Variants in NFIC observed in about 807,000 individuals in gnomAD.
NFIC encodes nuclear factor I C.
In NFIC, 12 loss-of-function variants were observed where a neutral mutation model predicts 54.4. The ratio of observed to expected loss-of-function variants is 0.22; its 90% confidence interval spans 0.14 to 0.36. NFIC has a LOEUF of 0.36. Ranked by LOEUF, NFIC falls within the 10% of genes least tolerant of loss-of-function variation. The probability of loss-of-function intolerance (pLI) is 1.00; values close to 1 mark genes in which losing one functional copy is unlikely to be tolerated. For synonymous variants in NFIC, 322 were observed against 319.2 expected, an observed-to-expected ratio of 1.01 and a Z score of -0.09; for missense variants, 575 against 718.2, an observed-to-expected ratio of 0.80 and a Z score of 2.28.
intron 7 of NFIC, among the ~76,000 whole-genome samples, chr19:3,450,432 G>A (rs1215508355): frequency 1.3e-5 from 2 of 151,642 alleles, no homozygotes; most frequent in African/African-American, 4.8e-5. Context: ...GAGGCAGGCG[G>A]ATCACCTGAG....
Position 3,394,530 on chromosome 19 carries a change from A to ACC in NFIC, c.562+12289_562+12290dup, listed in dbSNP as rs1270123415. ...ATGATCTTTTCCCCACCCACCCCCC[A>ACC]CCCGCTTACACTAAGTCTGAAATTT... On this transcript the variant is annotated intron_variant, in intron 2 of 10. Transcript: ENST00000443272. Among the ~76,000 whole-genome samples the ACC allele has an allele frequency of 1.6e-4, 6 of 36,628 alleles. 1 individual carries two copies. The highest frequency in any genetic ancestry group is 1.3e-3 in the South Asian group (1 of 770). The allele number at this position is 36,628 out of a possible 152,430, so 24.0% of individuals were successfully genotyped here.
chr19:3,387,967 G>A (rs1009263724), intron 2 of NFIC, among the ~76,000 whole-genome samples: 4 of 152,198 alleles, frequency 2.6e-5, no homozygotes, highest in East Asian at 1.9e-4. Flanking sequence ...AATCTGAGGC[G>A]CGGGCGGGCA....
chr19:3,424,992 T>G, intron 2 of NFIC, 114 bp from the exon 3 acceptor site: 1 of 1,079,892 alleles, frequency 9.3e-7, no homozygotes, highest in Non-Finnish European at 1.3e-6. Flanking sequence ...GGGCCACTGT[T>G]TGTCTCCATA....
intron 1 of NFIC, among the ~76,000 whole-genome samples, chr19:3,360,502 C>T (rs1018710044): frequency 2.0e-5 from 3 of 151,902 alleles, no homozygotes; most frequent in Non-Finnish European, 4.4e-5. Context: ...TGCGTGGGAG[C>T]CCCTGCGCTC....
At position 3,467,212 on chromosome 19, in the gene NFIC, G is replaced by GCCCCCCCCCCCCC. The variant is rs374469121; in HGVS notation, c.*4454_*4455insCCCCCCCCCCCCC. The GCCCCCCCCCCCCC allele has an allele frequency of 2.2e-4, 19 of 88,206 alleles. No individual in the cohort carries two copies. The highest frequency in any genetic ancestry group is 3.4e-4 in the African/African-American group (7 of 20,802). 5.5% of individuals were successfully genotyped at this position (88,206 alleles called of 1,614,324 possible). ...GCTATGGACACCACACCTATGCCAGGCCCCCCCCCCCACCCCAGTCTCATT... is the reference window on the plus strand; with the variant it reads ...GCTATGGACACCACACCTATGCCAGGCCCCCCCCCCCCCCCCCCCCCCCCACCCCAGTCTCATT... On this transcript the variant is annotated 3_prime_UTR_variant, in exon 11 of 11. Coordinates refer to ENST00000443272, the MANE Select transcript of NFIC (RefSeq NM_001245002.2).
intron 2 of NFIC, among the ~76,000 whole-genome samples, chr19:3,412,972 AGGGACCTTTGACAGT>A (rs2081789297): frequency 6.6e-6 from 1 of 152,156 alleles, no homozygotes; most frequent in Non-Finnish European, 1.5e-5. Context: ...GGATGGCAGA[AGGGACCTTTGACAGT>A]GGACACAGGG....
rs777280779 is a variant in NFIC, at chr19:3,449,005, C to T, written c.959-9C>T. On this transcript the variant is annotated splice_polypyrimidine_tract_variant and intron_variant, in intron 6 of 10. Coordinates refer to ENST00000443272, the MANE Select transcript of NFIC (RefSeq NM_001245002.2). The stretch of plus-strand genomic sequence containing the variant: ...AGCCTGTGACTCTCTCGTCCCATCC[C>T]CTCCACAGGCATCTCGTCCCCGGTG... 1 of 1,611,278 alleles carries T rather than the reference C, an allele frequency of 6.2e-7. No individual in the cohort carries two copies. The highest frequency in any genetic ancestry group is 8.5e-7 in the Non-Finnish European group (1 of 1,178,504).
At chr19:3,443,982 C>T (rs1335966563) in intron 6 of NFIC, among the ~76,000 whole-genome samples, 1 of 152,230 alleles carries the variant, frequency 6.6e-6, no homozygotes, top group East Asian at 1.9e-4. Context: ...GACCCCGGAC[C>T]CTAGAGACCC....
intron 3 of NFIC, among the ~76,000 whole-genome samples, chr19:3,430,833 G>T (rs969504766): frequency 4.7e-5 from 7 of 150,524 alleles, no homozygotes; most frequent in African/African-American, 1.7e-4. Flanking sequence ...TTGGGAGGCT[G>T]AGACAGGAGA....
intron 9 of NFIC, among the ~76,000 whole-genome samples, chr19:3,455,774 CAG>C (rs200955016): frequency 0.01 from 1,533 of 152,274 alleles, 19 homozygotes; most frequent in South Asian, 0.027. Flanking sequence ...AGTATCCACT[CAG>C]GGCTCAACGG....
chr19:3,434,207 T>A, intron 4 of NFIC, 70 bp from the exon 5 acceptor site: 1 of 1,533,516 alleles, frequency 6.5e-7, no homozygotes, highest in Non-Finnish European at 8.7e-7. Flanking sequence ...TGGCTTTCCC[T>A]ACCTCTCTAA....
chr19:3,457,148 C>T (rs2082572032), intron 10 of NFIC, among the ~76,000 whole-genome samples: 1 of 152,280 alleles, frequency 6.6e-6, no homozygotes, highest in African/African-American at 2.4e-5. Context: ...AGGCTTCAGC[C>T]CACATCTAAG....
chr19:3,429,256 A>T, intron 3 of NFIC, among the ~76,000 whole-genome samples: 1 of 52,336 alleles, frequency 1.9e-5, no homozygotes, highest in African/African-American at 1.0e-4. Flanking sequence ...AAATATATAC[A>T]CACACACACA....
intron 6 of NFIC, among the ~76,000 whole-genome samples, chr19:3,447,751 C>T (rs1278252033): frequency 1.3e-5 from 2 of 152,216 alleles, no homozygotes; most frequent in African/African-American, 4.8e-5. Context: ...CCAGGTCGCA[C>T]AGCCTCATGG....
chr19:3,367,393 A>T (rs1445600814), intron 1 of NFIC, among the ~76,000 whole-genome samples: 1 of 151,652 alleles, frequency 6.6e-6, no homozygotes, highest in East Asian at 1.9e-4. Context: ...CGCCGGGAGG[A>T]GCGGGAGGCC....
At chr19:3,430,601 C>G (rs925275006) in intron 3 of NFIC, among the ~76,000 whole-genome samples, 2 of 152,088 alleles carry the variant, frequency 1.3e-5, no homozygotes, top group African/African-American at 4.8e-5. Context: ...TCTCCCAGCC[C>G]TGGTGCCCAC....
chr19:3,390,859 G>T (rs1035711965), intron 2 of NFIC, among the ~76,000 whole-genome samples: 3 of 151,260 alleles, frequency 2.0e-5, no homozygotes, highest in East Asian at 1.9e-4. Flanking sequence ...GGTGCCAGGG[G>T]CTGGGGAGGG....
At chr19:3,390,834 G>T (rs2081365415) in intron 2 of NFIC, among the ~76,000 whole-genome samples, 1 of 143,160 alleles carries the variant, frequency 7.0e-6, no homozygotes, top group Non-Finnish European at 1.5e-5. Context: ...CACAGAGACA[G>T]AAAGTAGGAT....
chr19:3,380,157 C>A (rs1334038779), intron 1 of NFIC, among the ~76,000 whole-genome samples: 9 of 149,268 alleles, frequency 6.0e-5, no homozygotes, highest in Admixed American at 4.0e-4. Flanking sequence ...CCCGACACCA[C>A]GCCCGGCTAA....
Sources: allele counts gnomAD v4.1 joint callset (sites outside exome capture counted in the v4.1 genomes callset), GRCh38; gene constraint gnomAD v4.1.1; transcripts MANE v1.5; gene names NCBI Gene and HGNC (gene_info 2026-07-23, HGNC 2026-07-21).